The following MAP2K4 variants were observed in gnomAD, a reference collection of about 807,000 sequenced individuals.
MAP2K4 encodes the protein mitogen-activated protein kinase kinase 4.
Under a neutral mutation model 48.5 loss-of-function variants are expected in MAP2K4, and 4 were observed. That is an observed-to-expected ratio of 0.08 (90% confidence interval 0.04 to 0.19). The LOEUF (loss-of-function observed/expected upper bound fraction) is 0.19. Ranked by LOEUF, MAP2K4 falls within the 10% of genes least tolerant of loss-of-function variation. The probability of loss-of-function intolerance (pLI) is 1.00; values close to 1 mark genes in which losing one functional copy is unlikely to be tolerated. For synonymous variants in MAP2K4, 166 were observed against 173.1 expected (o/e 0.96, Z 0.32); for missense variants, 258 against 493.3 (o/e 0.52, Z 4.52).
intron 1 of MAP2K4, among the ~76,000 whole-genome samples, chr17:12,053,547 G>GT (rs369703238): frequency 2.4e-4 from 34 of 143,624 alleles, no homozygotes; most frequent in African/African-American, 4.8e-4. Flanking sequence ...GAGGGTTTTT[G>GT]TTTTTTTTTT....
Position 12,110,415 on chromosome 17 carries a change from T to C in MAP2K4, c.674T>C (p.Ile225Thr). ...ALNHLKENLK[I>T]IHRDIKPSNI... ...AACCACTTAAAAGAAAACTTGAAAA[T>C]TATTCACAGAGGTGGGTATGGATTG... is the stretch of plus-strand genomic sequence containing the variant. The change falls in exon 6 of 11, where the codon ATT becomes ACT. Residue 225 changes from isoleucine to threonine, a missense_variant. Coordinates refer to ENST00000353533, the MANE Select transcript of MAP2K4 (RefSeq NM_003010.4). The C allele has an allele frequency of 6.2e-7, 1 of 1,610,058 alleles. No individual in the cohort carries two copies. Among genetic ancestry groups the C allele is most frequent in the Non-Finnish European group, 8.5e-7 (1 of 1,176,870 alleles).
At chr17:12,029,686 C>T (rs931117344) in intron 1 of MAP2K4, among the ~76,000 whole-genome samples, 11 of 152,158 alleles carry the variant, frequency 7.2e-5, no homozygotes, top group Non-Finnish European at 1.6e-4. Context: ...TGCCTATAAT[C>T]CCATAACTTT....
At chr17:12,137,877 A>G (rs1275722432) in intron 9 of MAP2K4, among the ~76,000 whole-genome samples, 1 of 151,944 alleles carries the variant, frequency 6.6e-6, no homozygotes, top group Non-Finnish European at 1.5e-5. Context: ...ATGATAAACA[A>G]AGGTATAAAT....
chr17:12,126,871 C>T (rs1189685787), intron 8 of MAP2K4, among the ~76,000 whole-genome samples: 3 of 152,244 alleles, frequency 2.0e-5, no homozygotes, highest in South Asian at 2.1e-4. Context: ...ACATTGAAGG[C>T]GAATTTTCTA....
intron 2 of MAP2K4, among the ~76,000 whole-genome samples, chr17:12,057,459 T>C (rs1970316228): frequency 6.6e-6 from 1 of 152,182 alleles, no homozygotes; most frequent in Non-Finnish European, 1.5e-5. Context: ...CACTGGAATC[T>C]TTTAGCCTGT....
intron 2 of MAP2K4, among the ~76,000 whole-genome samples, chr17:12,080,959 A>T (rs932022559): frequency 7.9e-5 from 12 of 152,336 alleles, no homozygotes; most frequent in Admixed American, 4.6e-4. Context: ...ATAGGGTAAG[A>T]ACTTTTTCGC....
chr17:12,096,374 T>G (rs1971759380), intron 4 of MAP2K4, among the ~76,000 whole-genome samples: 1 of 152,122 alleles, frequency 6.6e-6, no homozygotes, highest in African/African-American at 2.4e-5. Flanking sequence ...CTCAATCCAC[T>G]TACTCATTTC....
chr17:12,120,170 T>A (rs1333830731), intron 7 of MAP2K4, among the ~76,000 whole-genome samples: 2 of 151,924 alleles, frequency 1.3e-5, no homozygotes, highest in African/African-American at 4.8e-5. Flanking sequence ...TTAAAAAAAA[T>A]AAAAATTAGG....
intron 7 of MAP2K4, among the ~76,000 whole-genome samples, chr17:12,121,835 G>T (rs1972703353): frequency 6.6e-6 from 1 of 152,082 alleles, no homozygotes; most frequent in Non-Finnish European, 1.5e-5. Flanking sequence ...GTTACTATTT[G>T]TAATGTTTAC....
chr17:12,096,142 C>T (rs903519609), intron 4 of MAP2K4, among the ~76,000 whole-genome samples: 1 of 131,228 alleles, frequency 7.6e-6, no homozygotes, highest in African/African-American at 2.8e-5. Flanking sequence ...TGTATGTCTG[C>T]ATTTAATATA....
At chr17:12,090,996 G>A (rs576787021) in intron 3 of MAP2K4, among the ~76,000 whole-genome samples, 1 of 152,278 alleles carries the variant, frequency 6.6e-6, no homozygotes, top group South Asian at 2.1e-4. Flanking sequence ...CAAATTGTAT[G>A]TGAGAGATGG....
Position 12,136,715 on chromosome 17 carries a change from G to A in MAP2K4, c.1041-3124G>A, listed in dbSNP as rs116249620. Among the ~76,000 whole-genome samples, 1,148 of 152,208 alleles carry A rather than the reference G, an allele frequency of 7.5e-3. 13 individuals carry two copies. The highest frequency in any genetic ancestry group is 0.027 in the African/African-American group (1,104 of 41,538). ...ATAGTTTAAGATTTCAACCCAAATAGCATCATAAGTTTATACACTGACATA... is the reference window on the plus strand; with the variant it reads ...ATAGTTTAAGATTTCAACCCAAATAACATCATAAGTTTATACACTGACATA... On this transcript the variant is annotated intron_variant, in intron 9 of 10. Transcript: ENST00000353533.
intron 7 of MAP2K4, chr17:12,115,758 A>G: frequency 2.6e-6 from 2 of 761,972 alleles, no homozygotes; most frequent in South Asian, 1.3e-5. Context: ...GTAATTATGC[A>G]AAAGAATGGA....
chr17:12,048,161 T>A (rs1355813020), intron 1 of MAP2K4, among the ~76,000 whole-genome samples: 1 of 152,076 alleles, frequency 6.6e-6, no homozygotes, highest in Non-Finnish European at 1.5e-5. Context: ...AGTCACCATG[T>A]CTGGCCTCAC....
At chr17:12,029,567 T>TAATCC (rs1969365868) in intron 1 of MAP2K4, among the ~76,000 whole-genome samples, 1 of 152,116 alleles carries the variant, frequency 6.6e-6, no homozygotes, top group Admixed American at 6.5e-5. Context: ...TTCAACGGAT[T>TAATCC]ATCTAGTACC....
At position 12,143,178 on chromosome 17, in the gene MAP2K4, C is replaced by G; in HGVS notation, c.*1918C>G. 1 of 232,998 alleles carries G rather than the reference C, an allele frequency of 4.3e-6. No individual in the cohort carries two copies. The highest frequency in any genetic ancestry group is 6.0e-5 in the East Asian group (1 of 16,536). 14.4% of individuals were successfully genotyped at this position (232,998 alleles called of 1,614,324 possible). On this transcript the variant is annotated 3_prime_UTR_variant, in exon 11 of 11. Coordinates refer to ENST00000353533, the MANE Select transcript of MAP2K4 (RefSeq NM_003010.4). The stretch of plus-strand genomic sequence containing the variant: ...GCAAGCCATCATCCTCCATTGCTCC[C>G]GGGGACTCAAGAGGAATCTGTTTCT...
At chr17:12,093,802 A>T (rs1971641781) in intron 3 of MAP2K4, among the ~76,000 whole-genome samples, 1 of 152,310 alleles carries the variant, frequency 6.6e-6, no homozygotes, top group East Asian at 1.9e-4. Context: ...ATTTAGATAT[A>T]TAGGATTATT....
At chr17:12,065,325 G>T in intron 2 of MAP2K4, among the ~76,000 whole-genome samples, 1 of 137,802 alleles carries the variant, frequency 7.3e-6, no homozygotes. Context: ...TTGAGACAGA[G>T]TCTTGCTCTG....
intron 1 of MAP2K4, among the ~76,000 whole-genome samples, chr17:12,021,751 A>T (rs1280703688): frequency 2.0e-5 from 3 of 151,926 alleles, no homozygotes; most frequent in African/African-American, 7.2e-5. Context: ...AAAAAAAAAA[A>T]AAAAGAAGAC....
Sources: gnomAD v4.1 joint callset for allele counts (sites outside exome capture counted in the v4.1 genomes callset) on GRCh38, gnomAD v4.1.1 for gene constraint, MANE v1.5 for transcripts, NCBI Gene and HGNC (gene_info 2026-07-23, HGNC 2026-07-21) for gene names.